The following PEBP4 variants were observed in gnomAD, a reference collection of about 807,000 sequenced individuals.
PEBP4 encodes the protein phosphatidylethanolamine-binding protein 4.
Under a neutral mutation model 23.9 loss-of-function variants are expected in PEBP4, and 22 were observed. That is an observed-to-expected ratio of 0.92 (90% CI 0.66 to 1.31). The LOEUF (loss-of-function observed/expected upper bound fraction) is 1.31. PEBP4 is among the 40% of genes most tolerant of loss of function. The probability of loss-of-function intolerance (pLI) is 0.00; values close to 1 mark genes in which losing one functional copy is unlikely to be tolerated. For synonymous variants in PEBP4, 112 were observed against 99.3 expected (o/e 1.13, Z -0.76); for missense variants, 324 against 281.7 (o/e 1.15, Z -1.07).
chr8:22,782,771 C>T (rs1805953416), intron 4 of PEBP4, among the ~76,000 whole-genome samples: 1 of 152,198 alleles, frequency 6.6e-6, no homozygotes, highest in South Asian at 2.1e-4. Flanking sequence ...ACCGTTTTAT[C>T]AGCAGCTGGC....
chr8:22,716,339 T>G lies in PEBP4; in HGVS notation c.518-2803A>C, dbSNP rs143394548. 2.2e-3 allele frequency among the ~76,000 whole-genome samples: 333 copies of G among 152,234 alleles called. 1 individual carries two copies. Among genetic ancestry groups the G allele is most frequent in the African/African-American group, 7.5e-3 (313 of 41,550 alleles). ...GTGCTGATAGGAAAGATGTTAGTGA[T>G]GAGAGATGTTAGATTTCAGCGATGT... On this transcript the variant is annotated intron_variant, in intron 6 of 6. Transcript: ENST00000256404.
At position 22,828,589 on chromosome 8, in the gene PEBP4, C is replaced by A. The variant is rs565005330; in HGVS notation, c.259-10854G>T. ...TATGTGTTCTCTCACACCCCATAAA[C>A]CTCAGGGTCAGGAGGTTGGGTAGAC... On this transcript the variant is annotated intron_variant, in intron 3 of 6. Coordinates refer to ENST00000256404, the MANE Select transcript of PEBP4 (RefSeq NM_144962.3). 8.3e-4 allele frequency among the ~76,000 whole-genome samples: 127 copies of A among 152,272 alleles called. 1 individual carries two copies. The South Asian group carries it at 0.016, about 19-fold the overall frequency.
At chr8:22,823,887 ACAAGTTTACTAGT>A (rs1182497527) in intron 3 of PEBP4, among the ~76,000 whole-genome samples, 2 of 152,206 alleles carry the variant, frequency 1.3e-5, no homozygotes, top group African/African-American at 4.8e-5. Context: ...GACCATACGA[ACAAGTTTACTAGT>A]CATAAAAGGT....
At chr8:22,855,619 GAGAA>G (rs1474471986) in intron 3 of PEBP4, among the ~76,000 whole-genome samples, 1 of 152,110 alleles carries the variant, frequency 6.6e-6, no homozygotes, top group Non-Finnish European at 1.5e-5. Flanking sequence ...TAAATCAAAT[GAGAA>G]AGAATGTCCT....
chr8:22,779,925 G>A (rs1397215389), intron 4 of PEBP4, among the ~76,000 whole-genome samples: 1 of 152,002 alleles, frequency 6.6e-6, no homozygotes, highest in African/African-American at 2.4e-5. Flanking sequence ...AAGCAGCATG[G>A]ATTCCCAGGC....
chr8:22,747,303 T>G (rs1489029655), intron 4 of PEBP4, among the ~76,000 whole-genome samples: 1 of 152,222 alleles, frequency 6.6e-6, no homozygotes, highest in African/African-American at 2.4e-5. Flanking sequence ...CCCACCCTTG[T>G]TCAGGCTCTG....
At chr8:22,832,588 C>T (rs979185375) in intron 3 of PEBP4, among the ~76,000 whole-genome samples, 1 of 152,162 alleles carries the variant, frequency 6.6e-6, no homozygotes, top group Non-Finnish European at 1.5e-5. Flanking sequence ...ATCTCTGGGG[C>T]CCTCTCCTGC....
intron 4 of PEBP4, among the ~76,000 whole-genome samples, chr8:22,759,495 C>G (rs565645375): frequency 7.2e-5 from 11 of 152,250 alleles, no homozygotes; most frequent in African/African-American, 2.6e-4. Flanking sequence ...TCTCAACAAG[C>G]CTCTGCCACC....
intron 6 of PEBP4, among the ~76,000 whole-genome samples, chr8:22,722,122 C>T (rs1585235726): frequency 1.3e-5 from 2 of 152,102 alleles, no homozygotes; most frequent in South Asian, 2.1e-4. Context: ...CCTGCAAAAG[C>T]CACTCCTCTG....
chr8:22,744,934 G>A (rs999236048), intron 4 of PEBP4, among the ~76,000 whole-genome samples: 27 of 152,202 alleles, frequency 1.8e-4, no homozygotes, highest in African/African-American at 5.3e-4. Context: ...ATGACTTGCC[G>A]GAGATGGGAG....
intron 3 of PEBP4, among the ~76,000 whole-genome samples, chr8:22,872,694 TGAGACA>T (rs1808028992): frequency 6.6e-6 from 1 of 152,134 alleles, no homozygotes; most frequent in Non-Finnish European, 1.5e-5. Flanking sequence ...TTTTTGTTTT[TGAGACA>T]GAGTCTTGCT....
At chr8:22,717,495 G>GGGGT in intron 6 of PEBP4, among the ~76,000 whole-genome samples, 1 of 152,316 alleles carries the variant, frequency 6.6e-6, no homozygotes, top group African/African-American at 2.4e-5. Context: ...CCTGGGAAGT[G>GGGGT]GGGTAGGAAG....
At chr8:22,836,901 G>A (rs1208537324) in intron 3 of PEBP4, among the ~76,000 whole-genome samples, 1 of 151,946 alleles carries the variant, frequency 6.6e-6, no homozygotes, top group African/African-American at 2.4e-5. Context: ...AAAAAAAAGA[G>A]CTCCTAAGCA....
At chr8:22,801,733 C>T (rs565935064) in intron 4 of PEBP4, among the ~76,000 whole-genome samples, 11 of 152,244 alleles carry the variant, frequency 7.2e-5, no homozygotes, top group Non-Finnish European at 8.8e-5. Flanking sequence ...CACACATGCA[C>T]ACACATATGC....
chr8:22,777,624 C>T (rs1462745174), intron 4 of PEBP4, among the ~76,000 whole-genome samples: 9 of 152,186 alleles, frequency 5.9e-5, no homozygotes, highest in African/African-American at 2.2e-4. Context: ...GTTCTCTTCT[C>T]ACTCGCCCTG....
intron 4 of PEBP4, chr8:22,758,266 T>G (rs1203152510): frequency 6.6e-6 from 1 of 152,204 alleles, no homozygotes; most frequent in Non-Finnish European, 1.5e-5. Context: ...ACCCTTTCAC[T>G]TCGTGTCTGT....
chr8:22,909,941 A>C (rs1447474815), intron 3 of PEBP4, among the ~76,000 whole-genome samples: 1 of 152,362 alleles, frequency 6.6e-6, no homozygotes, highest in South Asian at 2.1e-4. Flanking sequence ...AGTGGGTGGG[A>C]AAAAGGCTAC....
intron 3 of PEBP4, chr8:22,887,900 G>A (rs912635216): frequency 6.6e-6 from 1 of 152,250 alleles, no homozygotes; most frequent in African/African-American, 2.4e-5. Context: ...AGCTGCTTCA[G>A]TAGGTAACTG....
rs551009099 is a variant in PEBP4, at chr8:22,909,330, A to G, written c.258+10854T>C. Reference sequence around the variant, plus strand: ...CTGGGCCATGGCACAAACCCTCCGCATTGCCAGCACCTGGGAGTTCGAATG... The same window carrying G: ...CTGGGCCATGGCACAAACCCTCCGCGTTGCCAGCACCTGGGAGTTCGAATG... On this transcript the variant is annotated intron_variant, in intron 3 of 6. Transcript: ENST00000256404. 2.6e-5 allele frequency among the ~76,000 whole-genome samples: 4 copies of G among 152,278 alleles called. No homozygotes were observed. The South Asian group carries it at 8.3e-4, about 32-fold the overall frequency.
Sources: allele counts gnomAD v4.1 joint callset (sites outside exome capture counted in the v4.1 genomes callset), GRCh38; gene constraint gnomAD v4.1.1; transcripts MANE v1.5; gene names NCBI Gene and HGNC (gene_info 2026-07-23, HGNC 2026-07-21).